Variants in TBC1D10C observed in about 807,000 individuals in gnomAD.
TBC1D10C encodes the protein TBC1 domain family member 10C, also known as carabin.
Under a neutral mutation model 51.0 loss-of-function variants are expected in TBC1D10C, and 49 were observed. The observed-to-expected ratio is 0.96, with a 90% CI of 0.76 to 1.22. The LOEUF (loss-of-function observed/expected upper bound fraction) is 1.22, where lower values mean the gene tolerates loss of function less well. TBC1D10C is among the 50% of genes most tolerant of loss of function. TBC1D10C has a pLI of 0.00. For synonymous variants in TBC1D10C, 281 were observed against 266.7 expected (o/e 1.05, Z -0.52); for missense variants, 541 against 617.5 (o/e 0.88, Z 1.31).
rs766187059 is a variant in TBC1D10C, at chr11:67,409,028, G to A, written c.888G>A (p.Leu296=). The change falls in exon 8 of 9, where the codon CTG becomes CTA. Residue 296 remains leucine, a synonymous_variant. Transcript: ENST00000542590. ...GGCTGACACTGGTGCGCCTGGCGCT[G>A]GGCACTGCAGAGCAGCGAGGGGCCT... ...RVGLTLVRLA[L]GTAEQRGACP... The A allele has an allele frequency of 5.1e-6, 8 of 1,581,654 alleles. No homozygotes were observed. The African/African-American group carries it at 9.4e-5, about 19-fold the overall frequency.
rs957485675 is a variant in TBC1D10C, at chr11:67,409,812, G to A, written c.*58G>A. 63 of 1,389,960 alleles carry A rather than the reference G, an allele frequency of 4.5e-5. No individual in the cohort carries two copies. The highest frequency in any genetic ancestry group is 1.6e-4 in the African/African-American group (11 of 69,180). 86.1% of individuals were successfully genotyped at this position (1,389,960 alleles called of 1,614,324 possible). ...ATTGCCTGATGGCTGATGCCGGCCC[G>A]GCAAATAGGCACCGCACTTTACTCT... On this transcript the variant is annotated 3_prime_UTR_variant, in exon 9 of 9. Transcript: ENST00000542590.
chr11:67,409,693 C>G lies in TBC1D10C; in HGVS notation c.1280C>G (p.Pro427Arg), dbSNP rs779527591. 6.3e-6 allele frequency: 10 copies of G among 1,596,646 alleles called. 1 individual carries two copies. The Admixed American group carries it at 1.6e-4, about 25-fold the overall frequency. Residue 427 changes from proline (P) to arginine (R), a missense_variant, in exon 9 of 9, where the codon CCC becomes CGC. Pro to Arg is a moderately radical substitution (Grantham distance 103, BLOSUM62 -2). Transcript: ENST00000542590. ...HGLLTRARGP[P>R]IEGPPRPQRG... is the part of the protein sequence containing the mutation. ...CTCCTGACTCGGGCCCGGGGCCCCC[C>G]CATCGAGGGGCCCCCCAGGCCCCAA...
chr11:67,409,730 C>A lies in TBC1D10C; in HGVS notation c.1317C>A (p.Thr439=). Residue 439 remains threonine (T), a synonymous_variant, in exon 9 of 9, where the codon ACC becomes ACA. Coordinates refer to ENST00000542590, the MANE Select transcript of TBC1D10C (RefSeq NM_001369496.1). ...CCCCCAGGCCCCAACGAGGCTCCAC[C>A]TCCTTCCTGGACACCCGCTTCTGAG... ...EGPPRPQRGS[T]SFLDTRF is the part of the protein sequence containing the mutation. 1 of 1,588,848 alleles carries A rather than the reference C, an allele frequency of 6.3e-7. No homozygotes were observed.
At chr11:67,406,069 AC>A (rs1427142268) in intron 5 of TBC1D10C, 52 bp downstream of exon 5, 1 of 1,431,822 alleles carries the variant, frequency 7.0e-7, no homozygotes, top group Non-Finnish European at 9.3e-7. Context: ...GGCCCAGGGA[AC>A]CCCATCCCCA....
intron 7 of TBC1D10C, chr11:67,408,195 C>A (rs1239772898): frequency 2.0e-5 from 3 of 152,262 alleles, no homozygotes; most frequent in African/African-American, 7.2e-5. Context: ...CAAACTCACA[C>A]TGTGGGGAGT....
At chr11:67,404,550 C>G (rs1283112432) in intron 1 of TBC1D10C, among the ~76,000 whole-genome samples, 196 bp downstream of exon 1, 1 of 152,090 alleles carries the variant, frequency 6.6e-6, no homozygotes, top group South Asian at 2.1e-4. Context: ...GTCTCTTACC[C>G]CCAGCCTCCG....
chr11:67,404,030 AG>A, upstream of TBC1D10C: 1 of 737,192 alleles, frequency 1.4e-6, no homozygotes, highest in Non-Finnish European at 1.9e-6. Context: ...CTTTTCTGTC[AG>A]GGCAGGGCCT....
At chr11:67,406,343 C>T in intron 5 of TBC1D10C, 1 of 541,400 alleles carries the variant, frequency 1.8e-6, no homozygotes, top group South Asian at 2.6e-5. Flanking sequence ...CTTTGGGACA[C>T]TCCCAACCCT....
intron 7 of TBC1D10C, chr11:67,408,326 T>C (rs1156454314): frequency 6.6e-6 from 1 of 152,326 alleles, no homozygotes; most frequent in Non-Finnish European, 1.5e-5. Flanking sequence ...TGACCTTTCA[T>C]CATGGAGATG....
Position 67,405,589 on chromosome 11 carries a change from C to T in TBC1D10C, c.361-6C>T. ...CCCTCACACCCACCTTCCTGGCTACCCACAGGAGCTGGCAGAGGCCCCTGG... is the reference window on the plus strand; with the variant it reads ...CCCTCACACCCACCTTCCTGGCTACTCACAGGAGCTGGCAGAGGCCCCTGG... On this transcript the variant is annotated splice_polypyrimidine_tract_variant and splice_region_variant and intron_variant, in intron 3 of 8. Transcript: ENST00000542590. 6.2e-7 allele frequency: 1 copy of T among 1,613,968 alleles called. No homozygotes were observed. The highest frequency in any genetic ancestry group is 1.3e-5 in the African/African-American group (1 of 75,066).
chr11:67,409,695 A>C lies in TBC1D10C; in HGVS notation c.1282A>C (p.Ile428Leu), dbSNP rs778465051. 6.3e-7 allele frequency: 1 copy of C among 1,594,288 alleles called. No individual in the cohort carries two copies. The highest frequency in any genetic ancestry group is 8.5e-7 in the Non-Finnish European group (1 of 1,177,372). The change falls in exon 9 of 9, where the codon ATC becomes CTC. Residue 428 changes from isoleucine (I) to leucine (L), a missense_variant. Ile to Leu is a conservative substitution (Grantham distance 5). Transcript: ENST00000542590. ...CCTGACTCGGGCCCGGGGCCCCCCC[A>C]TCGAGGGGCCCCCCAGGCCCCAACG... ...GLLTRARGPP[I>L]EGPPRPQRGS...
At position 67,409,396 on chromosome 11, in the gene TBC1D10C, G is replaced by A. The variant is rs906759681; in HGVS notation, c.994-11G>A. The A allele has an allele frequency of 8.4e-6, 13 of 1,545,610 alleles. No homozygotes were observed. In the East Asian group the frequency reaches 2.2e-4, roughly 26 times the overall value. On this transcript the variant is annotated splice_polypyrimidine_tract_variant and intron_variant, in intron 8 of 8. Coordinates refer to ENST00000542590, the MANE Select transcript of TBC1D10C (RefSeq NM_001369496.1). ...AGGCCGGGCAAACGCAGCACCAACT[G>A]CTCCCCACAGGTGCACAGCGTGGTG...
intron 5 of TBC1D10C, 165 bp from the exon 6 acceptor site, chr11:67,406,462 T>C (rs1863165904): frequency 9.3e-6 from 6 of 642,234 alleles, no homozygotes; most frequent in Non-Finnish European, 1.6e-5. Context: ...AGGAGGGGGC[T>C]TTTGGGAAGG....
At position 67,409,141 on chromosome 11, in the gene TBC1D10C, C is replaced by A. The variant is rs1034104580; in HGVS notation, c.993+8C>A. ...GAGGCCTTCATGTCACAGGTGGGTA[C>A]CCCCACCTCTCCTTGGACTTGCCCA... On this transcript the variant is annotated splice_region_variant and intron_variant, in intron 8 of 8. Coordinates refer to ENST00000542590, the MANE Select transcript of TBC1D10C (RefSeq NM_001369496.1). 3 of 1,581,714 alleles carry A rather than the reference C, an allele frequency of 1.9e-6. No individual in the cohort carries two copies. Among genetic ancestry groups the A allele is most frequent in the Non-Finnish European group, 2.6e-6 (3 of 1,165,350 alleles).
chr11:67,406,316 G>GA, intron 5 of TBC1D10C: 1 of 512,114 alleles, frequency 2.0e-6, no homozygotes, highest in Non-Finnish European at 3.4e-6. Context: ...CAAAGACCCA[G>GA]AAACCCAGGA....
At position 67,409,051 on chromosome 11, in the gene TBC1D10C, C is replaced by A; in HGVS notation, c.911C>A (p.Ala304Asp). Reference protein sequence around the residue: ...LALGTAEQRGACPGLLETLGA... With the variant: ...LALGTAEQRGDCPGLLETLGA... ...CTGGGCACTGCAGAGCAGCGAGGGGCCTGCCCTGGCCTCCTGGAGACACTG... is the reference window on the plus strand; with the variant it reads ...CTGGGCACTGCAGAGCAGCGAGGGGACTGCCCTGGCCTCCTGGAGACACTG... Residue 304 changes from alanine to aspartate, a missense_variant, in exon 8 of 9, where the codon GCC becomes GAC. Coordinates refer to ENST00000542590, the MANE Select transcript of TBC1D10C (RefSeq NM_001369496.1). 1 of 1,594,974 alleles carries A rather than the reference C, an allele frequency of 6.3e-7. No homozygotes were observed. The highest frequency in any genetic ancestry group is 2.2e-4 in the Middle Eastern group (1 of 4,594).
chr11:67,409,748 C>T lies in TBC1D10C; in HGVS notation c.1335C>T (p.Arg445=). 6.3e-7 allele frequency: 1 copy of T among 1,582,670 alleles called. No individual in the cohort carries two copies. The highest frequency in any genetic ancestry group is 1.4e-5 in the African/African-American group (1 of 73,540). The change falls in exon 9 of 9, where the codon CGC becomes CGT. Residue 445 remains arginine (R), a synonymous_variant. Transcript: ENST00000542590. Reference sequence around the variant, plus strand: ...GCTCCACCTCCTTCCTGGACACCCGCTTCTGAGAGGACCATGGACTTAGTG... The same window carrying T: ...GCTCCACCTCCTTCCTGGACACCCGTTTCTGAGAGGACCATGGACTTAGTG... ...QRGSTSFLDT[R]F is the part of the protein sequence containing the mutation.
intron 4 of TBC1D10C, 25 bp from the exon 5 acceptor site, chr11:67,405,878 C>G: frequency 6.4e-7 from 1 of 1,570,466 alleles, no homozygotes; most frequent in Non-Finnish European, 8.6e-7. Flanking sequence ...GCAGGACTGG[C>G]CCCTTATGGG....
At position 67,405,938 on chromosome 11, in the gene TBC1D10C, C is replaced by A; in HGVS notation, c.503C>A (p.Thr168Asn). Residue 168 changes from threonine to asparagine, a missense_variant, in exon 5 of 9, where the codon ACC becomes AAC. Coordinates refer to ENST00000542590, the MANE Select transcript of TBC1D10C (RefSeq NM_001369496.1). ...CTCCTGCAGGTGCTCAAGGCCTACA[C>A]CCTGTATCGACCGGAGCAGGGCTAC... ...QGLLQVLKAY[T>N]LYRPEQGYCQ... is the part of the protein sequence containing the mutation. 6.2e-7 allele frequency: 1 copy of A among 1,605,028 alleles called. No homozygotes were observed. The highest frequency in any genetic ancestry group is 8.5e-7 in the Non-Finnish European group (1 of 1,176,488).
Sources: allele counts gnomAD v4.1 joint callset (sites outside exome capture counted in the v4.1 genomes callset), GRCh38; gene constraint gnomAD v4.1.1; transcripts MANE v1.5; gene names NCBI Gene and HGNC (gene_info 2026-07-23, HGNC 2026-07-21).